Variants in FOXN3 observed in about 807,000 individuals in gnomAD.
FOXN3 encodes forkhead box protein N3.
Under a neutral mutation model 38.4 loss-of-function variants are expected in FOXN3, and 7 were observed. The ratio of observed to expected loss-of-function variants is 0.18; its 90% confidence interval spans 0.10 to 0.34. The LOEUF (loss-of-function observed/expected upper bound fraction) is 0.34. FOXN3 is among the 10% of genes least tolerant of loss of function. The probability of loss-of-function intolerance (pLI) is 1.00; values close to 1 mark genes in which losing one functional copy is unlikely to be tolerated. For synonymous variants in FOXN3, 230 were observed against 242.2 expected (o/e 0.95, Z 0.47); for missense variants, 456 against 613.4 (o/e 0.74, Z 2.71).
At chr14:89,546,564 C>T (rs1453536652) in intron 1 of FOXN3, among the ~76,000 whole-genome samples, 9 of 150,850 alleles carry the variant, frequency 6.0e-5, no homozygotes, top group East Asian at 2.0e-4. Context: ...CTCTTGACCT[C>T]GTGATCCACC....
In FOXN3 at chr14:89,355,227, T is replaced by C. The variant is rs1352979379; in HGVS notation, c.544-4419A>G. ...TAAAAAAAAAAAAAAAAAGTAATTT[T>C]TTTTTTTCTTTTTGTGGAAATGGAG... On this transcript the variant is annotated intron_variant, in intron 2 of 5. Coordinates refer to ENST00000557258, the MANE Select transcript of FOXN3 (RefSeq NM_005197.4). 3.3e-5 allele frequency: 5 copies of C among 151,342 alleles called. 1 individual carries two copies. The South Asian group carries it at 6.3e-4, about 19-fold the overall frequency. 9.4% of individuals were successfully genotyped at this position (151,342 alleles called of 1,614,324 possible). A position where few individuals can be genotyped will look rare whatever the true frequency, so the allele number is the denominator to read the frequency against.
At position 89,162,811 on chromosome 14, in the gene FOXN3, G is replaced by A. The variant is rs1357544932; in HGVS notation, c.1010C>T (p.Ser337Phe). The change falls in exon 6 of 6, where the codon TCC becomes TTC. Residue 337 changes from serine (S) to phenylalanine (F), a missense_variant. Transcript: ENST00000557258. The surrounding 1 kb of genome is among the most constrained non-coding windows in gnomAD (Gnocchi z 7.2). ...CTCATAGTGGTCGTCGGCTGAGGAGGAGGAGGAGGAGATGGAGTCGCTGGT... is the reference window on the plus strand; with the variant it reads ...CTCATAGTGGTCGTCGGCTGAGGAGAAGGAGGAGGAGATGGAGTCGCTGGT... Reference protein sequence around the residue: ...SPTSDSISSSSSSADDHYEFA... With the variant: ...SPTSDSISSSFSSADDHYEFA... The A allele has an allele frequency of 2.5e-6, 4 of 1,612,540 alleles. No individual in the cohort carries two copies. Among genetic ancestry groups the A allele is most frequent in the Non-Finnish European group, 3.4e-6 (4 of 1,179,966 alleles).
intron 1 of FOXN3, among the ~76,000 whole-genome samples, chr14:89,547,872 A>C (rs1894916708): frequency 6.6e-6 from 1 of 152,206 alleles, no homozygotes; most frequent in Non-Finnish European, 1.5e-5. Context: ...CTTCGAAATA[A>C]AGCTGGTGAT....
At chr14:89,579,427 A>C (rs1234217065) in intron 1 of FOXN3, among the ~76,000 whole-genome samples, 1 of 152,132 alleles carries the variant, frequency 6.6e-6, no homozygotes, top group East Asian at 1.9e-4. Flanking sequence ...AAGTGCTAGG[A>C]TTACAGGCAT....
intron 1 of FOXN3, among the ~76,000 whole-genome samples, chr14:89,600,477 T>G (rs1341637361): frequency 6.6e-6 from 1 of 152,222 alleles, no homozygotes; most frequent in African/African-American, 2.4e-5. Context: ...CTTTAGGGAT[T>G]TAGCTTTTTC....
At chr14:89,592,192 A>T (rs952761277) in intron 1 of FOXN3, among the ~76,000 whole-genome samples, 1 of 152,210 alleles carries the variant, frequency 6.6e-6, no homozygotes, top group African/African-American at 2.4e-5. Flanking sequence ...AAAGATGATT[A>T]AGAAAAGAAA....
At chr14:89,217,305 A>AT (rs1157649379) in intron 4 of FOXN3, among the ~76,000 whole-genome samples, 2 of 151,776 alleles carry the variant, frequency 1.3e-5, no homozygotes, top group Non-Finnish European at 1.5e-5. Flanking sequence ...ACACATGGCT[A>AT]TTTTTTTCCT....
chr14:89,419,382 ATTTG>A (rs1347752225), upstream of FOXN3: 2 of 342,958 alleles, frequency 5.8e-6, no homozygotes, highest in Non-Finnish European at 5.8e-6. Context: ...CAGGGGCCAA[ATTTG>A]TTTGGGAACA....
intron 3 of FOXN3, among the ~76,000 whole-genome samples, chr14:89,338,103 C>T (rs1002588348): frequency 9.9e-5 from 15 of 152,126 alleles, no homozygotes; most frequent in African/African-American, 3.4e-4. Flanking sequence ...GAGGGACACT[C>T]GGACCTTGGC....
intron 3 of FOXN3, among the ~76,000 whole-genome samples, chr14:89,308,136 C>A (rs1248113757): frequency 3.9e-5 from 6 of 152,106 alleles, no homozygotes; most frequent in African/African-American, 1.4e-4. Context: ...GTGGTGGCAC[C>A]CGCCTATAAT....
chr14:89,237,874 C>T (rs1047873911), intron 4 of FOXN3, among the ~76,000 whole-genome samples: 6 of 152,178 alleles, frequency 3.9e-5, no homozygotes, highest in African/African-American at 9.7e-5. Flanking sequence ...TATCTGTCCA[C>T]GCTGTGTCTT....
chr14:89,506,132 C>G (rs1244898574), intron 1 of FOXN3, among the ~76,000 whole-genome samples: 14 of 127,944 alleles, frequency 1.1e-4, no homozygotes, highest in Non-Finnish European at 1.6e-4. Flanking sequence ...CGCCTCTGCC[C>G]GGCCGCCCCT....
At chr14:89,448,668 G>T (rs1892557511) in intron 1 of FOXN3, among the ~76,000 whole-genome samples, 1 of 152,100 alleles carries the variant, frequency 6.6e-6, no homozygotes, top group African/African-American at 2.4e-5. Context: ...GTGGGGTGCG[G>T]TGGCTAACAC....
At chr14:89,262,586 A>G (rs1346519742) in intron 4 of FOXN3, among the ~76,000 whole-genome samples, 2 of 152,230 alleles carry the variant, frequency 1.3e-5, no homozygotes, top group African/African-American at 4.8e-5. Context: ...CTTAACTAAA[A>G]AAAGAAAATA....
At chr14:89,378,266 G>T (rs547790925) in intron 2 of FOXN3, among the ~76,000 whole-genome samples, 2 of 152,162 alleles carry the variant, frequency 1.3e-5, no homozygotes, top group Admixed American at 6.5e-5. Context: ...GCATGTAGGG[G>T]GTGGGAGCTA....
intron 1 of FOXN3, among the ~76,000 whole-genome samples, chr14:89,441,188 T>A (rs986946850): frequency 3.3e-5 from 5 of 152,126 alleles, no homozygotes; most frequent in Admixed American, 1.3e-4. Flanking sequence ...TGCTGGGCCC[T>A]TTCCCTCCTC....
At chr14:89,219,605 G>A (rs776658708) in intron 4 of FOXN3, among the ~76,000 whole-genome samples, 1 of 152,112 alleles carries the variant, frequency 6.6e-6, no homozygotes, top group Non-Finnish European at 1.5e-5. Flanking sequence ...GGATGGCTGC[G>A]ACTCTTACCA....
chr14:89,162,185 AAT>A lies in FOXN3; in HGVS notation c.*227_*228del, dbSNP rs937108640. 1 of 389,770 alleles carries A rather than the reference AAT, an allele frequency of 2.6e-6. No homozygotes were observed. The highest frequency in any genetic ancestry group is 4.5e-6 in the Non-Finnish European group (1 of 221,374). 24.1% of individuals were successfully genotyped at this position (389,770 alleles called of 1,614,324 possible). A position where few individuals can be genotyped will look rare whatever the true frequency, so the allele number is the denominator to read the frequency against. ...AGCTTTTGTAAAACAGCTGAGTGTC[AAT>A]ATGAGTTCTATGGCTTCAATCTCCT... On this transcript the variant is annotated 3_prime_UTR_variant, in exon 6 of 6. Transcript: ENST00000557258. The surrounding 1 kb of genome is among the most constrained non-coding windows in gnomAD (Gnocchi z 7.2).
chr14:89,162,078 C>A lies in FOXN3; in HGVS notation c.*336G>T, dbSNP rs554217030. 5.1e-6 allele frequency: 1 copy of A among 195,860 alleles called. No individual in the cohort carries two copies. Among genetic ancestry groups the A allele is most frequent in the Non-Finnish European group, 1.0e-5 (1 of 96,836 alleles). 12.1% of individuals were successfully genotyped at this position (195,860 alleles called of 1,614,324 possible). A position where few individuals can be genotyped will look rare whatever the true frequency, so the allele number is the denominator to read the frequency against. ...TGTGATATTGACGTTGACATCCCTG[C>A]GGATTCAGCCACAGGTTTCTGACAA... On this transcript the variant is annotated 3_prime_UTR_variant, in exon 6 of 6. Transcript: ENST00000557258. This position sits in a 1 kb window ranked among gnomAD's most constrained non-coding sequence, Gnocchi z 7.2.
Sources: allele counts gnomAD v4.1 joint callset (sites outside exome capture counted in the v4.1 genomes callset), GRCh38; gene constraint gnomAD v4.1.1; non-coding constraint Gnocchi (gnomAD v3.1); transcripts MANE v1.5; gene names NCBI Gene and HGNC (gene_info 2026-07-23, HGNC 2026-07-21).